Variants in SMG6 observed in about 807,000 individuals in gnomAD.
SMG6 encodes SMG6 nonsense mediated mRNA decay factor.
Under a neutral mutation model 142.2 loss-of-function variants are expected in SMG6, and 66 were observed. The ratio of observed to expected loss-of-function variants is 0.46; its 90% CI spans 0.38 to 0.57. The LOEUF (loss-of-function observed/expected upper bound fraction) is 0.57. Ranked by LOEUF, SMG6 falls within the 20% of genes least tolerant of loss-of-function variation. SMG6 has a pLI of 0.00. For missense variants in SMG6, 1,793 were observed against 1,832.0 expected (o/e 0.98, Z 0.39); for synonymous variants, 779 against 702.4 (o/e 1.11, Z -1.72).
At chr17:2,063,551 G>A (rs780695257) in intron 18 of SMG6, among the ~76,000 whole-genome samples, 25 of 152,216 alleles carry the variant, frequency 1.6e-4, no homozygotes, top group Admixed American at 8.5e-4. Flanking sequence ...TCCGTTCTGA[G>A]AAAGAAAGTT....
chr17:2,284,081 G>A (rs1338774237), intron 6 of SMG6, among the ~76,000 whole-genome samples: 1 of 152,176 alleles, frequency 6.6e-6, no homozygotes, highest in Non-Finnish European at 1.5e-5. Context: ...TCTTATCAGA[G>A]AGTCAGTATG....
chr17:2,136,211 A>C (rs1365912634), intron 13 of SMG6, among the ~76,000 whole-genome samples: 1 of 151,584 alleles, frequency 6.6e-6, no homozygotes, highest in Non-Finnish European at 1.5e-5. Context: ...ACAGGCATGC[A>C]CACCATGCCT....
At chr17:2,213,031 G>A (rs1365566143) in intron 10 of SMG6, among the ~76,000 whole-genome samples, 2 of 152,140 alleles carry the variant, frequency 1.3e-5, no homozygotes, top group Non-Finnish European at 1.5e-5. Context: ...AAAATTTATC[G>A]CCTAAACTGG....
chr17:2,210,538 G>C (rs1567685525), intron 10 of SMG6, among the ~76,000 whole-genome samples: 1 of 151,674 alleles, frequency 6.6e-6, no homozygotes, highest in Non-Finnish European at 1.5e-5. Context: ...ATTTTGCGAG[G>C]GTGCACAGAG....
chr17:2,177,866 C>T lies in SMG6; in HGVS notation c.3156-5007G>A, dbSNP rs573363099. Among the ~76,000 whole-genome samples the T allele has an allele frequency of 2.0e-5, 3 of 152,280 alleles. No homozygotes were observed. In the South Asian group the frequency reaches 6.2e-4, roughly 32 times the overall value. On this transcript the variant is annotated intron_variant, in intron 12 of 18. Coordinates refer to ENST00000263073, the MANE Select transcript of SMG6 (RefSeq NM_017575.5). ...ACAAATGGCTGTAACAAGAGAACCACGCCTAAGACATGCAATATCTGCCTT... is the reference window on the plus strand; with the variant it reads ...ACAAATGGCTGTAACAAGAGAACCATGCCTAAGACATGCAATATCTGCCTT...
intron 8 of SMG6, among the ~76,000 whole-genome samples, chr17:2,274,195 T>G (rs1416189457): frequency 1.3e-5 from 2 of 152,232 alleles, no homozygotes; most frequent in African/African-American, 4.8e-5. Flanking sequence ...ATATGCCCTA[T>G]AAAGTAATTT....
At chr17:2,153,005 C>T (rs187098498) in intron 13 of SMG6, among the ~76,000 whole-genome samples, 114 of 152,270 alleles carry the variant, frequency 7.5e-4, no homozygotes, top group African/African-American at 2.0e-3. Flanking sequence ...CAAAAAAGAA[C>T]ATATGATTGA....
chr17:2,065,225 C>A, intron 17 of SMG6, 71 bp from the exon 18 acceptor site: 2 of 1,327,854 alleles, frequency 1.5e-6, no homozygotes, highest in Non-Finnish European at 2.1e-6. Context: ...AGGAGGGATC[C>A]TCTGCCTCGG....
chr17:2,114,451 A>C (rs2069435184), intron 13 of SMG6, among the ~76,000 whole-genome samples: 1 of 152,234 alleles, frequency 6.6e-6, no homozygotes, highest in African/African-American at 2.4e-5. Flanking sequence ...CCCATACCAG[A>C]AACTTTGGGA....
chr17:2,218,888 G>A (rs974047647), intron 10 of SMG6, among the ~76,000 whole-genome samples: 1 of 152,116 alleles, frequency 6.6e-6, no homozygotes, highest in African/African-American at 2.4e-5. Context: ...CTCTGGTGTG[G>A]GATATTGATA....
chr17:2,162,144 G>T (rs7221132), intron 13 of SMG6, among the ~76,000 whole-genome samples: 49,713 of 151,956 alleles, frequency 0.33, 9,063 homozygotes, highest in Admixed American at 0.42. Context: ...GGTAAACATG[G>T]AAATATATAT....
At chr17:2,184,083 C>T (rs2071893183) in intron 12 of SMG6, among the ~76,000 whole-genome samples, 1 of 152,236 alleles carries the variant, frequency 6.6e-6, no homozygotes, top group Admixed American at 6.5e-5. Context: ...ATACACTGGT[C>T]TGATGTGGTG....
intron 13 of SMG6, chr17:2,127,752 T>C (rs1396199178): frequency 1.6e-5 from 9 of 557,916 alleles, no homozygotes; most frequent in African/African-American, 1.5e-4. Context: ...GTAGTTTGAG[T>C]TTTATTTTCT....
chr17:2,190,378 G>C (rs1000731082), intron 10 of SMG6, among the ~76,000 whole-genome samples: 1 of 152,168 alleles, frequency 6.6e-6, no homozygotes, highest in Non-Finnish European at 1.5e-5. Context: ...AGGGATGGAG[G>C]GGGGTGTCCT....
intron 13 of SMG6, among the ~76,000 whole-genome samples, chr17:2,118,483 G>A (rs1169116180): frequency 6.6e-6 from 1 of 152,126 alleles, no homozygotes; most frequent in African/African-American, 2.4e-5. Context: ...AGGTAGCAGT[G>A]AGCCAAGATC....
chr17:2,166,912 G>A (rs1185040473), intron 13 of SMG6, among the ~76,000 whole-genome samples: 3 of 152,106 alleles, frequency 2.0e-5, no homozygotes, highest in Non-Finnish European at 4.4e-5. Flanking sequence ...ATCACCTTGA[G>A]GTCAGGAGTT....
chr17:2,248,955 C>T (rs1647207971), intron 8 of SMG6, among the ~76,000 whole-genome samples: 1 of 151,664 alleles, frequency 6.6e-6, no homozygotes, highest in East Asian at 1.9e-4. Flanking sequence ...GGCGCTATCT[C>T]AGCTCACTGC....
intron 15 of SMG6, among the ~76,000 whole-genome samples, chr17:2,081,032 C>T (rs2068408440): frequency 6.6e-6 from 1 of 152,220 alleles, no homozygotes; most frequent in Non-Finnish European, 1.5e-5. Flanking sequence ...TAGACTGTCA[C>T]TGGGTCTGCC....
intron 8 of SMG6, among the ~76,000 whole-genome samples, chr17:2,257,106 G>C (rs1490204735): frequency 6.9e-6 from 1 of 144,092 alleles, no homozygotes; most frequent in African/African-American, 2.6e-5. Flanking sequence ...TTTTTTTTGA[G>C]ACAGAGTCTC....
Sources: allele counts gnomAD v4.1 joint callset (sites outside exome capture counted in the v4.1 genomes callset), GRCh38; gene constraint gnomAD v4.1.1; transcripts MANE v1.5; gene names NCBI Gene and HGNC (gene_info 2026-07-23, HGNC 2026-07-21).